Variants in STPG2 observed in about 807,000 individuals in gnomAD.
The protein encoded by STPG2 is sperm-tail PG-rich repeat-containing protein 2.
Under a neutral mutation model 54.2 loss-of-function variants are expected in STPG2, and 56 were observed. That is an observed-to-expected ratio of 1.03 (90% CI 0.83 to 1.29). The LOEUF (loss-of-function observed/expected upper bound fraction) is 1.29. Ranked by LOEUF, STPG2 falls within the 50% of genes most tolerant of loss-of-function variation. The probability of loss-of-function intolerance (pLI) is 0.00; values close to 1 mark genes in which losing one functional copy is unlikely to be tolerated. For synonymous variants in STPG2, 200 were observed against 181.8 expected (o/e 1.10, Z -0.81); for missense variants, 596 against 544.9 (o/e 1.09, Z -0.93).
chr4:97,606,526 T>C (rs1338543265), intron 10 of STPG2, among the ~76,000 whole-genome samples: 2 of 151,978 alleles, frequency 1.3e-5, no homozygotes, highest in Non-Finnish European at 2.9e-5. Flanking sequence ...ATAAATTCTG[T>C]GTACATTTTC....
intron 7 of STPG2, among the ~76,000 whole-genome samples, chr4:97,952,356 C>T (rs1733505318): frequency 6.6e-6 from 1 of 152,158 alleles, no homozygotes; most frequent in African/African-American, 2.4e-5. Context: ...CAGACTTTCC[C>T]TGCTGAACCC....
intron 10 of STPG2, among the ~76,000 whole-genome samples, chr4:97,584,191 C>T (rs987570115): frequency 4.6e-5 from 7 of 151,902 alleles, no homozygotes; most frequent in Non-Finnish European, 7.4e-5. Context: ...CCTCTCAGAA[C>T]GCAGTGTAAT....
chr4:97,968,982 G>C (rs1237692936), intron 7 of STPG2, among the ~76,000 whole-genome samples: 1 of 152,112 alleles, frequency 6.6e-6, no homozygotes, highest in Non-Finnish European at 1.5e-5. Context: ...CATAGCTCTG[G>C]GAATGGAATG....
intron 7 of STPG2, among the ~76,000 whole-genome samples, chr4:97,953,119 A>G (rs1733536879): frequency 6.6e-6 from 1 of 152,194 alleles, no homozygotes; most frequent in Admixed American, 6.5e-5. Context: ...TGGGGGCTCC[A>G]TCAGGTAGCT....
intron 4 of STPG2, among the ~76,000 whole-genome samples, chr4:97,510,589 T>A (rs1309571435): frequency 6.6e-6 from 1 of 152,058 alleles, no homozygotes; most frequent in African/African-American, 2.4e-5. Context: ...ACCAGTTTCA[T>A]GGAAGACAAT....
intron 5 of STPG2, among the ~76,000 whole-genome samples, chr4:97,982,903 A>C (rs955425579): frequency 2.0e-5 from 3 of 152,160 alleles, no homozygotes; most frequent in Non-Finnish European, 4.4e-5. Context: ...GCTGGTCTTC[A>C]CTGGTAATTT....
At position 97,836,674 on chromosome 4, in the gene STPG2, G is replaced by T. The variant is rs546066442; in HGVS notation, c.1204+4099C>A. Among the ~76,000 whole-genome samples, 32 of 151,476 alleles carry T rather than the reference G, an allele frequency of 2.1e-4. 1 individual carries two copies. The highest frequency in any genetic ancestry group is 4.3e-4 in the Non-Finnish European group (29 of 67,710). On this transcript the variant is annotated intron_variant, in intron 9 of 10. Transcript: ENST00000295268. ...CTCTCAATCCTTTTACCTCTTGTTT[G>T]TCCCCATGGAATTTAAAAATGCTTG...
intron 4 of STPG2, among the ~76,000 whole-genome samples, chr4:97,548,586 ACAT>A (rs1731897109): frequency 1.3e-5 from 2 of 152,178 alleles, no homozygotes; most frequent in Admixed American, 1.3e-4. Flanking sequence ...AAATAATAAA[ACAT>A]CATTATTTAA....
intron 5 of STPG2, among the ~76,000 whole-genome samples, chr4:97,985,158 T>C (rs1168541313): frequency 1.3e-5 from 2 of 152,212 alleles, no homozygotes. Flanking sequence ...CTGAAATTTA[T>C]TATCCTAAAT....
At chr4:97,564,021 T>C (rs1463957662) in intron 10 of STPG2, among the ~76,000 whole-genome samples, 1 of 152,198 alleles carries the variant, frequency 6.6e-6, no homozygotes, top group Non-Finnish European at 1.5e-5. Context: ...CTGTCTAATG[T>C]TGACAGTGGG....
At chr4:97,961,660 C>T (rs974634165) in intron 7 of STPG2, among the ~76,000 whole-genome samples, 2 of 152,030 alleles carry the variant, frequency 1.3e-5, no homozygotes, top group Admixed American at 1.3e-4. Flanking sequence ...CAATGTGATA[C>T]CACCTTACTC....
intron 8 of STPG2, among the ~76,000 whole-genome samples, chr4:97,893,634 C>T (rs954560578): frequency 1.3e-5 from 2 of 151,954 alleles, no homozygotes; most frequent in Admixed American, 6.6e-5. Flanking sequence ...AAACTTACTG[C>T]TGTCAGGAAA....
chr4:97,874,055 T>C lies in STPG2; in HGVS notation c.1045-33123A>G, dbSNP rs1296257285. Among the ~76,000 whole-genome samples the C allele has an allele frequency of 5.3e-5, 8 of 151,678 alleles. No individual in the cohort carries two copies. The East Asian group carries it at 1.5e-3, about 29-fold the overall frequency. ...ATAATGAAAGAGAAGCTTAAAACAT[T>C]AATATAGCCTCTTTTGCAGTGAAGA... On this transcript the variant is annotated intron_variant, in intron 8 of 10. Coordinates refer to ENST00000295268, the MANE Select transcript of STPG2 (RefSeq NM_174952.3).
At chr4:97,740,369 T>G (rs1166897167) in intron 9 of STPG2, among the ~76,000 whole-genome samples, 1 of 151,952 alleles carries the variant, frequency 6.6e-6, no homozygotes, top group Non-Finnish European at 1.5e-5. Flanking sequence ...GCCAGGGAAT[T>G]AGGCAGGAGA....
intron 10 of STPG2, among the ~76,000 whole-genome samples, chr4:97,580,586 G>A (rs1372300538): frequency 6.6e-6 from 1 of 151,230 alleles, no homozygotes; most frequent in East Asian, 1.9e-4. Flanking sequence ...CACACACAAA[G>A]AGAATTATTT....
At chr4:97,634,963 A>C (rs1476649786) in intron 10 of STPG2, among the ~76,000 whole-genome samples, 1 of 152,314 alleles carries the variant, frequency 6.6e-6, no homozygotes, top group East Asian at 1.9e-4. Flanking sequence ...AGGCAGGCCA[A>C]TGTTCAGATT....
At chr4:97,897,850 T>G (rs1360736452) in intron 8 of STPG2, among the ~76,000 whole-genome samples, 2 of 152,206 alleles carry the variant, frequency 1.3e-5, no homozygotes. Flanking sequence ...TCCCATTCTG[T>G]AGGTTGTCTG....
At chr4:97,937,979 G>A (rs1732812470) in intron 8 of STPG2, among the ~76,000 whole-genome samples, 1 of 152,180 alleles carries the variant, frequency 6.6e-6, no homozygotes, top group Non-Finnish European at 1.5e-5. Context: ...CTCAGAGCTA[G>A]CAGGAAGGAA....
chr4:97,549,676 GAGA>G (rs1731922289), intron 4 of STPG2, among the ~76,000 whole-genome samples: 1 of 152,122 alleles, frequency 6.6e-6, no homozygotes, highest in South Asian at 2.1e-4. Context: ...TCCTTATAAA[GAGA>G]AGAAGGGCAA....
Sources: allele counts gnomAD v4.1 joint callset (sites outside exome capture counted in the v4.1 genomes callset), GRCh38; gene constraint gnomAD v4.1.1; transcripts MANE v1.5; gene names NCBI Gene and HGNC (gene_info 2026-07-23, HGNC 2026-07-21).